DAPK1: variants seen among roughly 807,000 people sequenced by gnomAD.
DAPK1 encodes the protein death associated protein kinase 1.
A neutral mutation model predicts 144.9 loss-of-function variants in DAPK1; 56 were observed. That is an observed-to-expected ratio of 0.39 (90% CI 0.31 to 0.48). The LOEUF (loss-of-function observed/expected upper bound fraction) is 0.48, where lower values mean the gene tolerates loss of function less well. Ranked by LOEUF, DAPK1 falls within the 20% of genes least tolerant of loss-of-function variation. The pLI is 0.95. For missense variants in DAPK1, 1,454 were observed against 1,875.4 expected (o/e 0.78, Z 4.15); for synonymous variants, 690 against 749.0 (o/e 0.92, Z 1.29).
intron 2 of DAPK1, among the ~76,000 whole-genome samples, chr9:87,503,590 G>A (rs144558336): frequency 4.6e-5 from 7 of 152,284 alleles, no homozygotes; most frequent in Non-Finnish European, 1.0e-4. Context: ...GTTGATGCAT[G>A]GCACTTAGAA....
At chr9:87,621,671 G>T (rs36209080) in intron 3 of DAPK1, among the ~76,000 whole-genome samples, 1 of 152,240 alleles carries the variant, frequency 6.6e-6, no homozygotes, top group African/African-American at 2.4e-5. Flanking sequence ...CTCTTGCTTT[G>T]GGTTTGAAAT....
intron 2 of DAPK1, among the ~76,000 whole-genome samples, chr9:87,604,035 C>T (rs1034127600): frequency 9.2e-5 from 14 of 152,058 alleles, no homozygotes; most frequent in African/African-American, 2.9e-4. Context: ...GGTTTCAGGC[C>T]GGGGCTGATC....
intron 2 of DAPK1, among the ~76,000 whole-genome samples, chr9:87,603,228 C>T (rs1273052918): frequency 1.3e-5 from 2 of 152,150 alleles, no homozygotes; most frequent in Non-Finnish European, 2.9e-5. Context: ...GCTCTTTTCC[C>T]TCTTCTCTCC....
intron 2 of DAPK1, among the ~76,000 whole-genome samples, chr9:87,571,502 C>CACACACACACACACACACACACACCCCA (rs1827354557): frequency 7.0e-6 from 1 of 142,466 alleles, no homozygotes; most frequent in African/African-American, 2.7e-5. Flanking sequence ...CACCCCAACA[C>CACACACACACACACACACACACACCCCA]ACACACACAC....
At chr9:87,671,597 C>CTCCGGTGA (rs1296490766) in intron 19 of DAPK1, among the ~76,000 whole-genome samples, 4 of 151,844 alleles carry the variant, frequency 2.6e-5, no homozygotes, top group African/African-American at 9.7e-5. Flanking sequence ...AACTCCTGGG[C>CTCCGGTGA]TCCGGTGATC....
intron 2 of DAPK1, among the ~76,000 whole-genome samples, chr9:87,578,486 G>A (rs772666519): frequency 1.3e-5 from 2 of 152,052 alleles, no homozygotes; most frequent in African/African-American, 4.8e-5. Context: ...TATTTCCTTA[G>A]GATAGATTGC....
intron 2 of DAPK1, among the ~76,000 whole-genome samples, chr9:87,520,091 A>G (rs1396255425): frequency 1.3e-5 from 2 of 152,168 alleles, no homozygotes; most frequent in Non-Finnish European, 2.9e-5. Flanking sequence ...ACTTCTTCCC[A>G]GGTAAGTTTT....
intron 18 of DAPK1, among the ~76,000 whole-genome samples, chr9:87,665,031 G>T (rs966516492): frequency 2.0e-5 from 3 of 152,124 alleles, no homozygotes; most frequent in Non-Finnish European, 2.9e-5. Context: ...CTCACCTTCT[G>T]CAGGTTTTGA....
At chr9:87,603,730 G>A (rs1308624283) in intron 2 of DAPK1, among the ~76,000 whole-genome samples, 2 of 152,110 alleles carry the variant, frequency 1.3e-5, no homozygotes, top group Non-Finnish European at 2.9e-5. Flanking sequence ...CCTTCCTTGG[G>A]CACTAGGGAA....
At chr9:87,626,354 G>T (rs1829491230) in intron 3 of DAPK1, among the ~76,000 whole-genome samples, 1 of 152,222 alleles carries the variant, frequency 6.6e-6, no homozygotes, top group Admixed American at 6.5e-5. Flanking sequence ...GGTGGAGGTT[G>T]CAGTGAGCTG....
chr9:87,629,592 G>A (rs1829598801), intron 3 of DAPK1, among the ~76,000 whole-genome samples: 1 of 152,094 alleles, frequency 6.6e-6, no homozygotes, highest in Non-Finnish European at 1.5e-5. Context: ...TGCCCTGGGT[G>A]GTCTCAAACT....
At chr9:87,667,951 GTCA>G (rs1469005217) in intron 18 of DAPK1, 3 of 152,746 alleles carry the variant, frequency 2.0e-5, no homozygotes, top group African/African-American at 7.2e-5. Flanking sequence ...AATACTTGCT[GTCA>G]TCGTGTATGT....
At chr9:87,624,427 A>C (rs1223323351) in intron 3 of DAPK1, among the ~76,000 whole-genome samples, 1 of 152,234 alleles carries the variant, frequency 6.6e-6, no homozygotes, top group African/African-American at 2.4e-5. Flanking sequence ...CCAGTCTCTT[A>C]AAACCTGGAT....
chr9:87,514,384 A>G (rs1298201445), intron 2 of DAPK1, among the ~76,000 whole-genome samples: 1 of 152,228 alleles, frequency 6.6e-6, no homozygotes, highest in African/African-American at 2.4e-5. Flanking sequence ...TGAGACAGAC[A>G]ATGGGTATGA....
chr9:87,600,570 G>A (rs1321526575), intron 2 of DAPK1, among the ~76,000 whole-genome samples: 5 of 152,112 alleles, frequency 3.3e-5, no homozygotes, highest in African/African-American at 9.7e-5. Context: ...TACAGCCTGC[G>A]CGGCAGAGCG....
chr9:87,598,075 C>T (rs1237807405), intron 2 of DAPK1, among the ~76,000 whole-genome samples: 2 of 152,208 alleles, frequency 1.3e-5, no homozygotes, highest in Admixed American at 1.3e-4. Flanking sequence ...GAACTATTAT[C>T]AGATGTTAAC....
At chr9:87,500,359 A>G (rs984544956) in intron 2 of DAPK1, among the ~76,000 whole-genome samples, 2 of 152,194 alleles carry the variant, frequency 1.3e-5, no homozygotes, top group Non-Finnish European at 2.9e-5. Flanking sequence ...ATCACATTTC[A>G]TGGATATGTT....
chr9:87,632,966 G>C (rs768795411), intron 3 of DAPK1: 1 of 971,080 alleles, frequency 1.0e-6, no homozygotes, highest in African/African-American at 1.8e-5. Flanking sequence ...AGGAGGATGA[G>C]TACATATGTA....
chr9:87,701,572 A>C (rs1825453688), intron 24 of DAPK1, among the ~76,000 whole-genome samples: 1 of 152,188 alleles, frequency 6.6e-6, no homozygotes, highest in African/African-American at 2.4e-5. Flanking sequence ...ATGTTCAAAA[A>C]GCTCTCCGGA....
Sources: allele counts gnomAD v4.1 joint callset (sites outside exome capture counted in the v4.1 genomes callset), GRCh38; gene constraint gnomAD v4.1.1; transcripts MANE v1.5; gene names NCBI Gene and HGNC (gene_info 2026-07-23, HGNC 2026-07-21).